C12orf54: variants seen among roughly 807,000 people sequenced by gnomAD.
The protein encoded by C12orf54 is chromosome 12 open reading frame 54.
C12orf54 carries 24 observed loss-of-function variants against 26.4 expected under a neutral mutation model. The ratio of observed to expected loss-of-function variants is 0.91; its 90% CI spans 0.66 to 1.28. C12orf54 has a LOEUF of 1.28. C12orf54 is among the 50% of genes most tolerant of loss of function. The pLI, the probability that C12orf54 is intolerant of heterozygous loss-of-function variation, is 0.00. For synonymous variants in C12orf54, 54 were observed against 47.0 expected, an observed-to-expected ratio of 1.15 and a Z score of -0.61; for missense variants, 154 against 150.9, an observed-to-expected ratio of 1.02 and a Z score of -0.11.
chr12:48,474,243 T>C, the C12orf54 span, among the ~76,000 whole-genome samples: 1 of 152,178 alleles, frequency 6.6e-6, no homozygotes, highest in Non-Finnish European at 1.5e-5. Context: ...CTTAGAACAA[T>C]TTTATGGAGC....
the C12orf54 span, among the ~76,000 whole-genome samples, chr12:48,418,147 GA>G: frequency 6.6e-6 from 1 of 152,228 alleles, no homozygotes; most frequent in African/African-American, 2.4e-5. Context: ...TAATGATCCA[GA>G]GAATAGTGGA....
the C12orf54 span, among the ~76,000 whole-genome samples, chr12:48,438,737 C>G: frequency 6.6e-6 from 1 of 152,174 alleles, no homozygotes; most frequent in Non-Finnish European, 1.5e-5. Context: ...TTCCTTACAT[C>G]TTATACAAAA....
At chr12:48,425,915 T>A in the C12orf54 span, among the ~76,000 whole-genome samples, 1 of 150,534 alleles carries the variant, frequency 6.6e-6, no homozygotes, top group African/African-American at 2.4e-5. Flanking sequence ...TGCTCATTTT[T>A]TAATGGGGTT....
At chr12:48,478,211 A>G (rs1954163631), upstream of C12orf54, among the ~76,000 whole-genome samples, 1 of 152,232 alleles carries the variant, frequency 6.6e-6, no homozygotes, top group Admixed American at 6.5e-5. Flanking sequence ...TTCATGCTAA[A>G]AACTCTCAAT....
the C12orf54 span, among the ~76,000 whole-genome samples, chr12:48,451,682 T>G: frequency 6.6e-6 from 1 of 152,094 alleles, no homozygotes. Context: ...TCACTAGCAT[T>G]CCTATACACC....
the C12orf54 span, among the ~76,000 whole-genome samples, chr12:48,460,595 A>G: frequency 6.6e-6 from 1 of 152,200 alleles, no homozygotes; most frequent in Non-Finnish European, 1.5e-5. Context: ...TTGACTATTT[A>G]AAGAGAAAAT....
At chr12:48,441,683 C>G in the C12orf54 span, among the ~76,000 whole-genome samples, 1 of 152,034 alleles carries the variant, frequency 6.6e-6, no homozygotes, top group African/African-American at 2.4e-5. Flanking sequence ...ATAAGCTGAG[C>G]AGACAATAAC....
At chr12:48,435,504 C>A in the C12orf54 span, among the ~76,000 whole-genome samples, 1 of 152,232 alleles carries the variant, frequency 6.6e-6, no homozygotes, top group East Asian at 1.9e-4. Context: ...TTAAGAGCAG[C>A]CAGAGAGAAA....
At chr12:48,486,295 C>CAA in intron 3 of C12orf54, 87 bp downstream of exon 3, 26 of 1,106,216 alleles carry the variant, frequency 2.4e-5, no homozygotes, top group African/African-American at 5.0e-5. Flanking sequence ...GACAGGAGGC[C>CAA]AAAAAAAAAA....
the C12orf54 span, among the ~76,000 whole-genome samples, chr12:48,474,382 C>A: frequency 1.3e-5 from 2 of 152,156 alleles, no homozygotes; most frequent in African/African-American, 4.8e-5. Context: ...TGGGGAGTGC[C>A]AGACAGTAGG....
intron 4 of C12orf54, among the ~76,000 whole-genome samples, chr12:48,487,450 A>G (rs1234846781): frequency 6.6e-6 from 1 of 152,220 alleles, no homozygotes; most frequent in Non-Finnish European, 1.5e-5. Flanking sequence ...TGTGTCCAAC[A>G]TGCTTTATTT....
At chr12:48,472,904 A>C in the C12orf54 span, 3 of 1,614,210 alleles carry the variant, frequency 1.9e-6, no homozygotes, top group Non-Finnish European at 1.7e-6. Context: ...CAGTGGGCCT[A>C]GAAGTATTGG....
chr12:48,472,822 GCCTCA>G, the C12orf54 span: 1 of 1,614,122 alleles, frequency 6.2e-7, no homozygotes, highest in East Asian at 2.2e-5. Context: ...ATCAACATAG[GCCTCA>G]CCTCAATTGC....
At chr12:48,473,859 C>T in the C12orf54 span, among the ~76,000 whole-genome samples, 4 of 152,190 alleles carry the variant, frequency 2.6e-5, no homozygotes, top group Non-Finnish European at 4.4e-5. Flanking sequence ...GATTCACATG[C>T]TTTTCGCGGA....
intron 2 of C12orf54, 107 bp from the exon 3 acceptor site, chr12:48,486,071 A>G: frequency 2.6e-6 from 3 of 1,138,864 alleles, no homozygotes; most frequent in Non-Finnish European, 3.9e-6. Flanking sequence ...GATTTTTAGT[A>G]TAGAAACTTC....
the C12orf54 span, among the ~76,000 whole-genome samples, chr12:48,444,897 G>C: frequency 6.6e-6 from 1 of 152,220 alleles, no homozygotes; most frequent in African/African-American, 2.4e-5. Context: ...GAATGGCCGG[G>C]CGCAGTGGCT....
the C12orf54 span, among the ~76,000 whole-genome samples, chr12:48,445,203 G>A: frequency 1.2e-4 from 18 of 151,850 alleles, no homozygotes; most frequent in African/African-American, 4.4e-4. Flanking sequence ...ATTGATGAAC[G>A]GATGAGTATG....
chr12:48,456,105 G>A, the C12orf54 span, among the ~76,000 whole-genome samples: 2 of 152,168 alleles, frequency 1.3e-5, no homozygotes, highest in Non-Finnish European at 2.9e-5. Flanking sequence ...TTAAAAGTCT[G>A]TAAAGCTTTC....
chr12:48,416,414 T>C, the C12orf54 span, among the ~76,000 whole-genome samples: 1 of 152,236 alleles, frequency 6.6e-6, no homozygotes, highest in Non-Finnish European at 1.5e-5. Context: ...CATTAGCTCT[T>C]TCTTCTGACT....
Sources: gnomAD v4.1 joint callset for allele counts (sites outside exome capture counted in the v4.1 genomes callset) on GRCh38, gnomAD v4.1.1 for gene constraint, MANE v1.5 for transcripts, NCBI Gene and HGNC (gene_info 2026-07-23, HGNC 2026-07-21) for gene names.